CUL2: variants seen among roughly 807,000 people sequenced by gnomAD.
CUL2 encodes cullin-2.
In CUL2, 22 loss-of-function variants were observed where a neutral mutation model predicts 110.2. The ratio of observed to expected loss-of-function variants is 0.20; its 90% confidence interval spans 0.14 to 0.28. The LOEUF is 0.28. Ranked by LOEUF, CUL2 falls within the 10% of genes least tolerant of loss-of-function variation. The pLI is 1.00. For missense variants in CUL2, 631 were observed against 905.5 expected, an observed-to-expected ratio of 0.70 and a Z score of 3.89; for synonymous variants, 279 against 293.2, an observed-to-expected ratio of 0.95 and a Z score of 0.49.
upstream of CUL2, among the ~76,000 whole-genome samples, chr10:35,091,847 T>C (rs955101321): frequency 2.6e-5 from 4 of 152,116 alleles, no homozygotes; most frequent in African/African-American, 9.6e-5. Context: ...AGGCTGGTCT[T>C]GAACTCCTGA....
chr10:35,106,194 T>C (rs1157531673), intron 1 of CUL2, among the ~76,000 whole-genome samples: 1 of 152,184 alleles, frequency 6.6e-6, no homozygotes, highest in Non-Finnish European at 1.5e-5. Flanking sequence ...ACTTCTTCAG[T>C]CATGTGAGGA....
chr10:35,119,508 T>C (rs1164246674), intron 1 of CUL2, among the ~76,000 whole-genome samples: 1 of 152,038 alleles, frequency 6.6e-6, no homozygotes, highest in Admixed American at 6.6e-5. Flanking sequence ...AACAAATATT[T>C]TGGTACTCAT....
At chr10:35,053,351 T>A (rs117867267) in intron 5 of CUL2, among the ~76,000 whole-genome samples, 1 of 152,234 alleles carries the variant, frequency 6.6e-6, no homozygotes, top group Non-Finnish European at 1.5e-5. Context: ...CATATACCTA[T>A]AATTTTGTGT....
At chr10:35,011,590 C>T (rs2084903467) in intron 20 of CUL2, among the ~76,000 whole-genome samples, 1 of 152,098 alleles carries the variant, frequency 6.6e-6, no homozygotes, top group Non-Finnish European at 1.5e-5. Context: ...TGTACTCCAG[C>T]CTGGGCGACA....
At chr10:35,011,215 T>A (rs930615554) in intron 20 of CUL2, among the ~76,000 whole-genome samples, 1 of 66,774 alleles carries the variant, frequency 1.5e-5, no homozygotes, top group Non-Finnish European at 3.5e-5. Flanking sequence ...TTTTTAATTT[T>A]TTTTTTTTTT....
In CUL2 at chr10:35,049,729, G is replaced by C; in HGVS notation, c.460C>G (p.Pro154Ala). 1 of 1,613,474 alleles carries C rather than the reference G, an allele frequency of 6.2e-7. No homozygotes were observed. Among genetic ancestry groups the C allele is most frequent in the South Asian group, 1.1e-5 (1 of 90,912 alleles). The change falls in exon 6 of 21, where the codon CCA becomes GCA. Residue 154 changes from proline to alanine, a missense_variant. Physicochemically the swap from Pro to Ala is conservative, Grantham distance 27. Transcript: ENST00000374749. The part of the protein sequence containing the change: ...LDMWRKLMVE[P>A]LQAILIRMLL... ...ATTCGGATAAGGATGGCCTGAAGTG[G>C]TTCAACCATCAATTTCCTCCACATA...
chr10:35,105,613 C>T (rs2135117753), intron 1 of CUL2, among the ~76,000 whole-genome samples: 1 of 150,946 alleles, frequency 6.6e-6, no homozygotes, highest in Admixed American at 6.6e-5. Flanking sequence ...GAGGCTAAGG[C>T]AGGAGAATCA....
rs954760920 is a variant in CUL2 at position 35,009,228 on chromosome 10, A to G, written c.*1083T>C. The G allele has an allele frequency of 6.8e-6, 1 of 147,418 alleles. No individual in the cohort carries two copies. The highest frequency in any genetic ancestry group is 2.5e-5 in the African/African-American group (1 of 40,606). 9.1% of individuals were successfully genotyped at this position (147,418 alleles called of 1,614,324 possible). A position where few individuals can be genotyped will look rare whatever the true frequency, so the allele number is the denominator to read the frequency against. On this transcript the variant is annotated 3_prime_UTR_variant, in exon 21 of 21. Coordinates refer to ENST00000374749, the MANE Select transcript of CUL2 (RefSeq NM_003591.4). ...ATATATATATATATATATAAAATAA[A>G]CAAAATAATGGGATTTATATATGTG...
At chr10:35,014,631 G>C (rs1207294634) in intron 18 of CUL2, among the ~76,000 whole-genome samples, 2 of 151,968 alleles carry the variant, frequency 1.3e-5, no homozygotes, top group African/African-American at 4.8e-5. Context: ...TCAGGAGTTT[G>C]AGACCAGCCT....
intron 20 of CUL2, 47 bp from the exon 21 acceptor site, chr10:35,010,489 T>A: frequency 6.4e-7 from 1 of 1,557,100 alleles, no homozygotes; most frequent in Non-Finnish European, 8.7e-7. Flanking sequence ...TCTTCAGCTA[T>A]TAAGTAATGA....
intron 10 of CUL2, 90 bp from the exon 11 acceptor site, chr10:35,033,363 T>C: frequency 8.2e-6 from 7 of 855,662 alleles, no homozygotes; most frequent in African/African-American, 1.7e-5. Flanking sequence ...AGTAAATTTT[T>C]CCTCAAGGAA....
At chr10:35,077,075 C>T (rs565859992) in intron 1 of CUL2, among the ~76,000 whole-genome samples, 1 of 152,208 alleles carries the variant, frequency 6.6e-6, no homozygotes, top group Non-Finnish European at 1.5e-5. Context: ...TAGTATTATT[C>T]ATAAAGGCCC....
At chr10:35,058,247 T>C (rs1026059545) in intron 4 of CUL2, among the ~76,000 whole-genome samples, 2 of 152,144 alleles carry the variant, frequency 1.3e-5, no homozygotes, top group African/African-American at 2.4e-5. Flanking sequence ...AAAACAGGAA[T>C]TTAACCTTGG....
intron 3 of CUL2, among the ~76,000 whole-genome samples, chr10:35,061,851 T>G (rs1291388213): frequency 6.7e-6 from 1 of 149,772 alleles, no homozygotes; most frequent in Non-Finnish European, 1.5e-5. Context: ...CATATGATCC[T>G]CCTGCCTCAG....
At chr10:35,101,729 A>C (rs1255322039) in intron 1 of CUL2, among the ~76,000 whole-genome samples, 1 of 152,204 alleles carries the variant, frequency 6.6e-6, no homozygotes, top group Non-Finnish European at 1.5e-5. Flanking sequence ...ATTCTACTCC[A>C]GTATCAAAAG....
upstream of CUL2, among the ~76,000 whole-genome samples, chr10:35,095,598 G>T (rs1428970153): frequency 6.6e-6 from 1 of 152,030 alleles, no homozygotes; most frequent in Non-Finnish European, 1.5e-5. Flanking sequence ...TCCCTCCGTT[G>T]CCCGGGCTGG....
At chr10:35,068,214 G>A (rs758826490) in intron 2 of CUL2, among the ~76,000 whole-genome samples, 1 of 151,876 alleles carries the variant, frequency 6.6e-6, no homozygotes, top group Non-Finnish European at 1.5e-5. Flanking sequence ...ATGAGCCCAG[G>A]GGTTCGAGAC....
chr10:35,010,464 C>A, intron 20 of CUL2, 22 bp from the exon 21 acceptor site: 1 of 1,583,910 alleles, frequency 6.3e-7, no homozygotes, highest in South Asian at 1.1e-5. Flanking sequence ...ATGTGGAAGT[C>A]AAACTACTGC....
At chr10:35,019,452 A>G (rs1401849778) in intron 17 of CUL2, among the ~76,000 whole-genome samples, 1 of 152,104 alleles carries the variant, frequency 6.6e-6, no homozygotes, top group African/African-American at 2.4e-5. Context: ...CTCTTACTGA[A>G]AAGACTGGGG....
Sources: gnomAD v4.1 joint callset for allele counts (sites outside exome capture counted in the v4.1 genomes callset) on GRCh38, gnomAD v4.1.1 for gene constraint, MANE v1.5 for transcripts, NCBI Gene and HGNC (gene_info 2026-07-23, HGNC 2026-07-21) for gene names.